The following SLIT3 variants were observed in gnomAD, a reference collection of about 807,000 sequenced individuals.
SLIT3 encodes slit guidance ligand 3.
SLIT3 carries 68 observed loss-of-function variants against 184.0 expected under a neutral mutation model. The observed-to-expected ratio is 0.37, with a 90% CI of 0.30 to 0.45. The LOEUF is 0.45. Among genes scored for constraint, SLIT3 ranks in the 20% least tolerant of loss-of-function variants. The pLI, the probability that SLIT3 is intolerant of heterozygous loss-of-function variation, is 1.00. For synonymous variants in SLIT3, 831 were observed against 828.6 expected, an observed-to-expected ratio of 1.00 and a Z score of -0.05; for missense variants, 1,707 against 2,026.0, an observed-to-expected ratio of 0.84 and a Z score of 3.02.
intron 35 of SLIT3, among the ~76,000 whole-genome samples, chr5:168,668,617 G>T (rs78331959): frequency 2.0e-5 from 3 of 152,190 alleles, no homozygotes; most frequent in Non-Finnish European, 2.9e-5. Context: ...TGGAGACAGG[G>T]TCTGTCTCTG....
At chr5:169,257,975 C>A (rs547921074) in intron 1 of SLIT3, among the ~76,000 whole-genome samples, 2 of 152,162 alleles carry the variant, frequency 1.3e-5, no homozygotes, top group East Asian at 3.8e-4. Flanking sequence ...ACCCATACTA[C>A]GCACCAGGTA....
At chr5:169,176,620 T>A (rs1247175790) in intron 4 of SLIT3, among the ~76,000 whole-genome samples, 1 of 152,184 alleles carries the variant, frequency 6.6e-6, no homozygotes, top group East Asian at 1.9e-4. Flanking sequence ...TCTGGTAGAA[T>A]AAGGATCAGA....
Position 168,671,365 on chromosome 5 carries a change from G to A in SLIT3, c.3960C>T (p.Ala1320=). Residue 1320 remains alanine, a synonymous_variant, in exon 34 of 36, where the codon GCC becomes GCT. Transcript: ENST00000519560. ...ACACCCCCAGGGACTGTGGTGGGAG[G>A]GCCTTGAAGTCCTGCAGCTCGTTGT... The part of the protein sequence containing the change: ...RINNELQDFK[A]LPPQSLGVSP... 1.2e-6 allele frequency: 2 copies of A among 1,614,154 alleles called. No homozygotes were observed. The highest frequency in any genetic ancestry group is 8.5e-7 in the Non-Finnish European group (1 of 1,180,016).
intron 4 of SLIT3, among the ~76,000 whole-genome samples, chr5:168,985,046 G>T (rs969229865): frequency 6.6e-6 from 1 of 152,114 alleles, no homozygotes; most frequent in Non-Finnish European, 1.5e-5. Context: ...AAAATTTTCA[G>T]GCCATTTCTT....
Position 169,220,826 on chromosome 5 carries a change from G to T in SLIT3, c.341+23879C>A, listed in dbSNP as rs114048730. Reference sequence around the variant, plus strand: ...TCATCAAACCAACCCTACTCCCAAAGCTTGGTGCAGGTGTCAGCCAACATG... The same window carrying T: ...TCATCAAACCAACCCTACTCCCAAATCTTGGTGCAGGTGTCAGCCAACATG... On this transcript the variant is annotated intron_variant, in intron 3 of 35. Transcript: ENST00000519560. Among the ~76,000 whole-genome samples, 946 of 152,270 alleles carry T rather than the reference G, an allele frequency of 6.2e-3. 11 individuals carry two copies. The highest frequency in any genetic ancestry group is 0.022 in the African/African-American group (911 of 41,540).
chr5:169,012,940 GCTA>G (rs1445472491), intron 4 of SLIT3: 27 of 152,286 alleles, frequency 1.8e-4, no homozygotes, highest in African/African-American at 6.0e-4. Context: ...TGAGAATAGC[GCTA>G]CTATCTGCTG....
At chr5:168,685,321 T>C (rs1582527125) in intron 31 of SLIT3, among the ~76,000 whole-genome samples, 1 of 152,236 alleles carries the variant, frequency 6.6e-6, no homozygotes, top group South Asian at 2.1e-4. Flanking sequence ...TTTCAGAAGT[T>C]GCACTCACAG....
chr5:169,060,556 C>T (rs1758143233), intron 4 of SLIT3, among the ~76,000 whole-genome samples: 1 of 152,166 alleles, frequency 6.6e-6, no homozygotes, highest in Non-Finnish European at 1.5e-5. Flanking sequence ...TTGTGTATTG[C>T]TTTATGTCAC....
chr5:168,761,763 G>A (rs534068053), intron 15 of SLIT3, among the ~76,000 whole-genome samples: 6 of 151,664 alleles, frequency 4.0e-5, no homozygotes, highest in Middle Eastern at 3.4e-3. Context: ...TCCAGATACC[G>A]GGTCTCACTC....
intron 3 of SLIT3, among the ~76,000 whole-genome samples, chr5:169,215,157 G>A (rs1362310132): frequency 2.0e-5 from 3 of 152,094 alleles, no homozygotes; most frequent in Non-Finnish European, 4.4e-5. Context: ...AATCCTACCT[G>A]GAAAGCTTTG....
chr5:169,143,393 T>G (rs1761808054), intron 4 of SLIT3, among the ~76,000 whole-genome samples: 1 of 152,232 alleles, frequency 6.6e-6, no homozygotes, highest in South Asian at 2.1e-4. Flanking sequence ...TCAAGTTATG[T>G]GGCTAAAGGT....
chr5:169,300,849 A>C lies in SLIT3; in HGVS notation c.-140T>G, dbSNP rs1454702621. On this transcript the variant is annotated 5_prime_UTR_variant, in exon 1 of 36. The change abolishes the stop of an existing upstream ORF in the 5' untranslated region. Coordinates refer to ENST00000519560, the MANE Select transcript of SLIT3 (RefSeq NM_003062.4). This position sits in a 1 kb window ranked among gnomAD's most constrained non-coding sequence, Gnocchi z 4.1. ...CGGAGGAGGGGCGAGCTCGGTGCTC[A>C]GGCGCACGGGGCGCGGGCGGAGCGG... is the stretch of plus-strand genomic sequence containing the variant. 6 of 847,564 alleles carry C rather than the reference A, an allele frequency of 7.1e-6. No homozygotes were observed. Among genetic ancestry groups the C allele is most frequent in the African/African-American group, 1.8e-5 (1 of 55,592 alleles). The allele number at this position is 847,564 out of a possible 1,614,324, so 52.5% of individuals were successfully genotyped here.
intron 4 of SLIT3, among the ~76,000 whole-genome samples, chr5:169,101,219 T>C (rs1015454289): frequency 2.6e-5 from 4 of 152,232 alleles, no homozygotes; most frequent in African/African-American, 9.6e-5. Context: ...CTTTGGTTTT[T>C]GCTGCACAAT....
chr5:168,666,677 A>G lies in SLIT3; in HGVS notation c.4349T>C (p.Leu1450Pro). The change falls in exon 36 of 36, where the codon CTG (leucine) becomes CCG (proline). Residue 1450 changes from leucine to proline, a missense_variant. Coordinates refer to ENST00000519560, the MANE Select transcript of SLIT3 (RefSeq NM_003062.4). ...GEHCQQENPC[L>P]GQVVREVIRR... ...GATCACCTCTCGGACTACTTGTCCC[A>G]GGCACGGATTCTCTGCAGAGGGCAT... The G allele has an allele frequency of 6.2e-7, 1 of 1,614,150 alleles. No individual in the cohort carries two copies. Among genetic ancestry groups the G allele is most frequent in the Non-Finnish European group, 8.5e-7 (1 of 1,180,030 alleles).
At chr5:168,788,304 T>C (rs1756233369) in intron 11 of SLIT3, among the ~76,000 whole-genome samples, 2 of 152,162 alleles carry the variant, frequency 1.3e-5, no homozygotes, top group South Asian at 4.2e-4. Flanking sequence ...TAAATGAAAC[T>C]AATTTACTCT....
At chr5:168,785,130 C>T (rs1453800706) in intron 12 of SLIT3, among the ~76,000 whole-genome samples, 2 of 141,660 alleles carry the variant, frequency 1.4e-5, no homozygotes, top group Admixed American at 7.1e-5. Flanking sequence ...CAAATGTGCA[C>T]ATGCATGCAC....
chr5:169,027,152 C>G (rs1351504146), intron 4 of SLIT3, among the ~76,000 whole-genome samples: 2 of 152,112 alleles, frequency 1.3e-5, no homozygotes, highest in Admixed American at 6.5e-5. Flanking sequence ...CCCTGGGGTT[C>G]AGTTTTCCCA....
intron 4 of SLIT3, among the ~76,000 whole-genome samples, chr5:169,053,137 A>C (rs1365463782): frequency 6.6e-6 from 1 of 152,262 alleles, no homozygotes; most frequent in Non-Finnish European, 1.5e-5. Flanking sequence ...CTCTGTAGCT[A>C]CAGTTGGGAG....
At chr5:168,723,667 G>T (rs913747886) in intron 21 of SLIT3, among the ~76,000 whole-genome samples, 1 of 152,216 alleles carries the variant, frequency 6.6e-6, no homozygotes, top group Admixed American at 6.5e-5. Context: ...GAGGACTGAG[G>T]TTGGTGGGGG....
Sources: gnomAD v4.1 joint callset for allele counts (sites outside exome capture counted in the v4.1 genomes callset) on GRCh38, gnomAD v4.1.1 for gene constraint, Gnocchi (gnomAD v3.1) non-coding constraint, MANE v1.5 for transcripts, NCBI Gene and HGNC (gene_info 2026-07-23, HGNC 2026-07-21) for gene names.